AGBL4: variants seen among roughly 807,000 people sequenced by gnomAD.
AGBL4 encodes the protein AGBL carboxypeptidase 4.
Under a neutral mutation model 66.4 loss-of-function variants are expected in AGBL4, and 58 were observed. The observed-to-expected ratio is 0.87, with a 90% CI of 0.71 to 1.09. The LOEUF is 1.09. Ranked by LOEUF, AGBL4 falls within the 50% of genes least tolerant of loss-of-function variation. The pLI, the probability that AGBL4 is intolerant of heterozygous loss-of-function variation, is 0.00. For synonymous variants in AGBL4, 234 were observed against 222.9 expected (o/e 1.05, Z -0.44); for missense variants, 579 against 631.0 (o/e 0.92, Z 0.88).
At chr1:48,777,537 C>T (rs1645157700) in intron 6 of AGBL4, among the ~76,000 whole-genome samples, 2 of 151,980 alleles carry the variant, frequency 1.3e-5, no homozygotes, top group African/African-American at 4.8e-5. Context: ...TGCAAAACTG[C>T]CAGCTCCCTC....
chr1:49,880,905 T>G (rs2148140981), intron 1 of AGBL4, among the ~76,000 whole-genome samples: 1 of 152,158 alleles, frequency 6.6e-6, no homozygotes, highest in African/African-American at 2.4e-5. Context: ...AATATTCGGG[T>G]GGGAGTGACC....
intron 2 of AGBL4, among the ~76,000 whole-genome samples, chr1:49,737,586 C>CATTGGTGATGGGTG: frequency 6.6e-6 from 1 of 152,266 alleles, no homozygotes; most frequent in South Asian, 2.1e-4. Context: ...GTTCTGTGGT[C>CATTGGTGATGGGTG]ATTGGTGATG....
At chr1:49,873,545 CACAGGTAGCT>C (rs1557533019) in intron 1 of AGBL4, among the ~76,000 whole-genome samples, 1 of 152,024 alleles carries the variant, frequency 6.6e-6, no homozygotes, top group African/African-American at 2.4e-5. Flanking sequence ...CAGATATTGC[CACAGGTAGCT>C]ACTCTATGTT....
chr1:49,076,062 A>T (rs1364846503), intron 4 of AGBL4, among the ~76,000 whole-genome samples: 1 of 152,184 alleles, frequency 6.6e-6, no homozygotes. Flanking sequence ...AATTTAAGTA[A>T]GGCAATATAT....
At chr1:49,437,053 C>A (rs1258624686) in intron 3 of AGBL4, among the ~76,000 whole-genome samples, 1 of 152,118 alleles carries the variant, frequency 6.6e-6, no homozygotes, top group Non-Finnish European at 1.5e-5. Context: ...TAGAATTCCA[C>A]GGTGGTGGGG....
chr1:48,677,666 C>T (rs79414475), intron 6 of AGBL4, among the ~76,000 whole-genome samples: 6,030 of 152,268 alleles, frequency 0.04, 255 homozygotes, highest in African/African-American at 0.1. Context: ...CAAAACCCTG[C>T]GCTCTTCCCT....
intron 3 of AGBL4, among the ~76,000 whole-genome samples, chr1:49,390,872 A>T (rs1644830772): frequency 6.6e-6 from 1 of 152,146 alleles, no homozygotes; most frequent in Non-Finnish European, 1.5e-5. Context: ...TGAGAATATA[A>T]CACTTTCTAG....
chr1:49,098,153 A>G (rs1414007865), intron 4 of AGBL4, among the ~76,000 whole-genome samples: 1 of 152,228 alleles, frequency 6.6e-6, no homozygotes, highest in Admixed American at 6.5e-5. Flanking sequence ...TCACTCTAAG[A>G]TCATCTGTAA....
chr1:49,084,968 T>TTTG (rs757433958), intron 4 of AGBL4, among the ~76,000 whole-genome samples: 3 of 152,086 alleles, frequency 2.0e-5, no homozygotes, highest in Non-Finnish European at 2.9e-5. Flanking sequence ...ATGGTTTAAT[T>TTTG]TTGTTGTTGT....
chr1:49,588,427 A>C (rs1393086780), intron 3 of AGBL4, among the ~76,000 whole-genome samples: 1 of 152,202 alleles, frequency 6.6e-6, no homozygotes, highest in South Asian at 2.1e-4. Context: ...GCAGACACTT[A>C]GAGAATGTCA....
intron 1 of AGBL4, among the ~76,000 whole-genome samples, chr1:49,918,972 A>G (rs974832666): frequency 1.3e-5 from 2 of 152,216 alleles, no homozygotes; most frequent in East Asian, 3.8e-4. Context: ...AACAGAACCA[A>G]AGACAAAAAC....
intron 3 of AGBL4, among the ~76,000 whole-genome samples, chr1:49,520,086 A>G (rs1167312): frequency 0.68 from 103,968 of 151,812 alleles, 36,479 homozygotes; most frequent in African/African-American, 0.78. Context: ...GCAATGCAAG[A>G]TCAGCGTTGG....
At chr1:49,616,698 CT>C (rs1645255409) in intron 3 of AGBL4, among the ~76,000 whole-genome samples, 1 of 152,162 alleles carries the variant, frequency 6.6e-6, no homozygotes, top group African/African-American at 2.4e-5. Context: ...ACCTAGGCTC[CT>C]TATCTTTCCT....
chr1:49,115,537 C>G (rs2148030749), intron 4 of AGBL4, among the ~76,000 whole-genome samples: 1 of 152,024 alleles, frequency 6.6e-6, no homozygotes, highest in East Asian at 1.9e-4. Flanking sequence ...GTTATCTACT[C>G]CAATTTGGTC....
intron 2 of AGBL4, among the ~76,000 whole-genome samples, chr1:49,807,663 T>A (rs982066706): frequency 6.6e-6 from 1 of 152,220 alleles, no homozygotes; most frequent in African/African-American, 2.4e-5. Context: ...TGGGATGGAA[T>A]GAATGCATTC....
chr1:49,497,995 T>A (rs1647768244), intron 3 of AGBL4, among the ~76,000 whole-genome samples: 1 of 152,046 alleles, frequency 6.6e-6, no homozygotes, highest in Non-Finnish European at 1.5e-5. Flanking sequence ...TATTCCAATT[T>A]ATGAACACGG....
chr1:49,160,485 G>A (rs188720964), intron 4 of AGBL4, among the ~76,000 whole-genome samples: 121 of 152,200 alleles, frequency 8.0e-4, no homozygotes, highest in Admixed American at 1.3e-3. Flanking sequence ...TGTCTGGGTC[G>A]GTCCCTACTG....
chr1:49,546,531 T>C (rs1167305), intron 3 of AGBL4, among the ~76,000 whole-genome samples: 11,491 of 152,142 alleles, frequency 0.076, 1,368 homozygotes, highest in African/African-American at 0.25. Flanking sequence ...AGATACCCAG[T>C]AGTGCAATTG....
chr1:48,837,190 T>G (rs1323283774), intron 6 of AGBL4, among the ~76,000 whole-genome samples: 3 of 151,928 alleles, frequency 2.0e-5, no homozygotes, highest in African/African-American at 7.2e-5. Context: ...TCAGAAAATA[T>G]TTTTGGTGAG....
Sources: gnomAD v4.1 joint callset for allele counts (sites outside exome capture counted in the v4.1 genomes callset) on GRCh38, gnomAD v4.1.1 for gene constraint, MANE v1.5 for transcripts, NCBI Gene and HGNC (gene_info 2026-07-23, HGNC 2026-07-21) for gene names.